WWC2: variants seen among roughly 807,000 people sequenced by gnomAD.
WWC2 encodes WW and C2 domain containing 2.
In WWC2, 101 loss-of-function variants were observed where a neutral mutation model predicts 138.5. That is an observed-to-expected ratio of 0.73 (90% CI 0.62 to 0.86). WWC2 has a LOEUF of 0.86. Among genes scored for constraint, WWC2 ranks in the 40% least tolerant of loss-of-function variants. WWC2 has a pLI of 0.00. For missense variants in WWC2, 1,420 were observed against 1,419.4 expected, an observed-to-expected ratio of 1.00 and a Z score of -0.01; for synonymous variants, 558 against 538.4, an observed-to-expected ratio of 1.04 and a Z score of -0.50.
chr4:183,240,787 G>A lies in WWC2; in HGVS notation c.602+525G>A, dbSNP rs555781180. 3.3e-5 allele frequency among the ~76,000 whole-genome samples: 5 copies of A among 152,308 alleles called. No individual in the cohort carries two copies. The East Asian group carries it at 9.7e-4, about 29-fold the overall frequency. On this transcript the variant is annotated intron_variant, in intron 5 of 22. Coordinates refer to ENST00000403733, the MANE Select transcript of WWC2 (RefSeq NM_024949.6). ...GGATTATTAGCAAAGGAGCGGGAGT[G>A]CGCTCCTCACTTCCTGGTTCCTCTA...
At chr4:183,181,982 T>A (rs1006994847) in intron 1 of WWC2, among the ~76,000 whole-genome samples, 4 of 152,032 alleles carry the variant, frequency 2.6e-5, no homozygotes, top group Non-Finnish European at 5.9e-5. Flanking sequence ...ATACATAGAG[T>A]TTATTTAGTT....
intron 1 of WWC2, among the ~76,000 whole-genome samples, chr4:183,171,088 AT>A (rs1365709730): frequency 6.6e-6 from 1 of 152,156 alleles, no homozygotes; most frequent in African/African-American, 2.4e-5. Context: ...AAAGGCCTTC[AT>A]TTCTTCTTTG....
Position 183,277,857 on chromosome 4 carries a change from A to C in WWC2, c.2563-2919A>C, listed in dbSNP as rs1303384350. 2.7e-4 allele frequency among the ~76,000 whole-genome samples: 41 copies of C among 150,338 alleles called. 2 individuals carry two copies. Among genetic ancestry groups the C allele is most frequent in the Non-Finnish European group, 3.0e-5 (2 of 67,122 alleles). On this transcript the variant is annotated intron_variant, in intron 16 of 22. Transcript: ENST00000403733. ...TTTTCTTGTAAATTTGTTTGAGTTC[A>C]TTGTAGATTCTGGATATTAGCCCTT...
At chr4:183,264,456 G>T (rs2111365397) in intron 11 of WWC2, among the ~76,000 whole-genome samples, 1 of 152,254 alleles carries the variant, frequency 6.6e-6, no homozygotes, top group African/African-American at 2.4e-5. Context: ...TAATGGTATT[G>T]GCTGGTGAGG....
intron 1 of WWC2, among the ~76,000 whole-genome samples, chr4:183,118,007 C>T (rs185013911): frequency 0.022 from 3,380 of 151,768 alleles, 60 homozygotes; most frequent in Non-Finnish European, 0.038. Flanking sequence ...GCCATGTTGG[C>T]CAGGCTGGTC....
intron 1 of WWC2, among the ~76,000 whole-genome samples, chr4:183,141,125 C>T (rs1733287307): frequency 6.6e-6 from 1 of 152,228 alleles, no homozygotes; most frequent in South Asian, 2.1e-4. Context: ...AGGTATTAGT[C>T]AGCTCAGGCT....
intron 1 of WWC2, among the ~76,000 whole-genome samples, chr4:183,144,121 A>C (rs750508221): frequency 6.6e-6 from 1 of 152,236 alleles, no homozygotes; most frequent in Non-Finnish European, 1.5e-5. Context: ...GGAACAGTTG[A>C]TATGTCACTT....
intron 12 of WWC2, 86 bp downstream of exon 12, chr4:183,265,193 A>G (rs914129101): frequency 4.7e-6 from 7 of 1,474,910 alleles, no homozygotes; most frequent in Non-Finnish European, 6.3e-6. Flanking sequence ...GACTGCTACC[A>G]TTAGTCCGCT....
chr4:183,241,079 G>A (rs1736602337), intron 5 of WWC2, among the ~76,000 whole-genome samples: 1 of 152,184 alleles, frequency 6.6e-6, no homozygotes, highest in Non-Finnish European at 1.5e-5. Context: ...ACAGCCACAT[G>A]ACCACGGAGA....
chr4:183,115,395 G>A (rs1732377976), intron 1 of WWC2, among the ~76,000 whole-genome samples: 1 of 152,190 alleles, frequency 6.6e-6, no homozygotes, highest in African/African-American at 2.4e-5. Flanking sequence ...ACCCAGTAAA[G>A]GGATTGCTCG....
intron 1 of WWC2, among the ~76,000 whole-genome samples, chr4:183,176,722 C>A (rs1225014055): frequency 6.6e-6 from 1 of 152,084 alleles, no homozygotes; most frequent in Non-Finnish European, 1.5e-5. Flanking sequence ...CATGCCCAGC[C>A]CTTTTATTTT....
chr4:183,203,628 A>C (rs1362446940), intron 2 of WWC2: 1 of 152,138 alleles, frequency 6.6e-6, no homozygotes, highest in Non-Finnish European at 1.5e-5. Flanking sequence ...CAAGGGCTTA[A>C]AATCTAAGAG....
chr4:183,177,356 A>C (rs1734496884), intron 1 of WWC2, among the ~76,000 whole-genome samples: 1 of 152,230 alleles, frequency 6.6e-6, no homozygotes, highest in South Asian at 2.1e-4. Flanking sequence ...TGGTCACTAA[A>C]TGTTTAGAAA....
intron 1 of WWC2, among the ~76,000 whole-genome samples, chr4:183,188,834 G>A (rs572526279): frequency 2.6e-5 from 4 of 150,970 alleles, no homozygotes; most frequent in East Asian, 4.0e-4. Context: ...TAGTAGAGAC[G>A]GGGGTTTCAC....
intron 1 of WWC2, among the ~76,000 whole-genome samples, chr4:183,113,089 AT>A (rs1389164982): frequency 6.6e-6 from 1 of 152,116 alleles, no homozygotes; most frequent in East Asian, 1.9e-4. Context: ...CCTAGCCAAC[AT>A]GGCAAAACCC....
chr4:183,306,037 A>C (rs1225145616), intron 21 of WWC2, among the ~76,000 whole-genome samples: 1 of 152,230 alleles, frequency 6.6e-6, no homozygotes, highest in Admixed American at 6.5e-5. Flanking sequence ...TGTACTACTC[A>C]TGATGTGGTA....
intron 19 of WWC2, 92 bp downstream of exon 19, chr4:183,284,482 T>G (rs1386329920): frequency 1.4e-6 from 2 of 1,420,764 alleles, no homozygotes; most frequent in Non-Finnish European, 1.9e-6. Flanking sequence ...GACTGTGCAC[T>G]GGGAGTCCAC....
In WWC2 at chr4:183,260,962, G is replaced by A. The variant is rs1329065630; in HGVS notation, c.1339G>A (p.Ala447Thr). The part of the protein sequence containing the change: ...MSSGSSLGSL[A>T]SSRGSLNTSS... ...ATCTGGGAGCAGCCTGGGTTCCCTGGCATCGAGTCGGGGCTCTCTGAACAC... is the reference window on the plus strand; with the variant it reads ...ATCTGGGAGCAGCCTGGGTTCCCTGACATCGAGTCGGGGCTCTCTGAACAC... The change falls in exon 11 of 23, where the codon GCA (alanine) becomes ACA (threonine). Residue 447 changes from alanine (A) to threonine (T), a missense_variant. Transcript: ENST00000403733. 6.2e-7 allele frequency: 1 copy of A among 1,613,934 alleles called. No homozygotes were observed. The highest frequency in any genetic ancestry group is 1.1e-5 in the South Asian group (1 of 91,052).
chr4:183,202,701 A>G (rs1735335855), intron 2 of WWC2, among the ~76,000 whole-genome samples: 2 of 152,172 alleles, frequency 1.3e-5, no homozygotes, highest in African/African-American at 2.4e-5. Context: ...ATATGTATAT[A>G]TAATTCATTT....
Sources: gnomAD v4.1 joint callset for allele counts (sites outside exome capture counted in the v4.1 genomes callset) on GRCh38, gnomAD v4.1.1 for gene constraint, MANE v1.5 for transcripts, NCBI Gene and HGNC (gene_info 2026-07-23, HGNC 2026-07-21) for gene names.